Variants in FARS2 observed in about 807,000 individuals in gnomAD.
FARS2 encodes phenylalanine--tRNA ligase, mitochondrial.
A neutral mutation model predicts 46.4 loss-of-function variants in FARS2; 40 were observed. The observed-to-expected ratio is 0.86, with a 90% confidence interval of 0.67 to 1.12. The LOEUF is 1.12. Among genes scored for constraint, FARS2 ranks in the 50% most tolerant of loss-of-function variants. The pLI, the probability that FARS2 is intolerant of heterozygous loss-of-function variation, is 0.00. For synonymous variants in FARS2, 234 were observed against 214.9 expected, an observed-to-expected ratio of 1.09 and a Z score of -0.78; for missense variants, 513 against 567.9, an observed-to-expected ratio of 0.90 and a Z score of 0.98.
chr6:5,733,108 A>G (rs1425958079), intron 6 of FARS2, among the ~76,000 whole-genome samples: 3 of 152,244 alleles, frequency 2.0e-5, no homozygotes, highest in African/African-American at 7.2e-5. Flanking sequence ...GCAGATAATT[A>G]ACCTCAGGGT....
At chr6:5,391,951 G>A (rs750660863) in intron 2 of FARS2, among the ~76,000 whole-genome samples, 25 of 152,150 alleles carry the variant, frequency 1.6e-4, no homozygotes, top group Middle Eastern at 6.3e-3. Context: ...GGGTCATTTG[G>A]ATTTGCACAA....
chr6:5,623,365 A>G (rs1047337501), intron 6 of FARS2, among the ~76,000 whole-genome samples: 4 of 152,236 alleles, frequency 2.6e-5, no homozygotes, highest in Admixed American at 6.5e-5. Context: ...TAAAACTGTC[A>G]TTTGGAAATG....
chr6:5,574,519 A>T (rs2150566442), intron 5 of FARS2, among the ~76,000 whole-genome samples: 1 of 152,360 alleles, frequency 6.6e-6, no homozygotes, highest in East Asian at 1.9e-4. Context: ...TAAATGCATT[A>T]TGCAGAATGT....
In FARS2 at chr6:5,456,693, T is replaced by C. The variant is rs7768107; in HGVS notation, c.904+25521T>C. 4.0e-3 allele frequency among the ~76,000 whole-genome samples: 462 copies of C among 115,854 alleles called. 2 individuals carry two copies. The highest frequency in any genetic ancestry group is 0.014 in the African/African-American group (412 of 30,104). 76.0% of individuals were successfully genotyped at this position (115,854 alleles called of 152,430 possible). ...TTGCAGTGAGCCGAGATGGCATTAT[T>C]GCACTCCAGCCTGGGCAACACAGCG... is the stretch of plus-strand genomic sequence containing the variant. On this transcript the variant is annotated intron_variant, in intron 4 of 6. Coordinates refer to ENST00000274680, the MANE Select transcript of FARS2 (RefSeq NM_006567.5).
At chr6:5,381,316 TTTC>T (rs1294301060) in intron 2 of FARS2, among the ~76,000 whole-genome samples, 5 of 151,704 alleles carry the variant, frequency 3.3e-5, no homozygotes, top group Admixed American at 3.3e-4. Context: ...GATTTCTAAT[TTTC>T]TTTTCTTTTC....
chr6:5,726,230 A>G (rs548943169), intron 6 of FARS2, among the ~76,000 whole-genome samples: 1 of 151,998 alleles, frequency 6.6e-6, no homozygotes, highest in South Asian at 2.1e-4. Context: ...ATCAGGGGTT[A>G]CAATACACGT....
chr6:5,363,775 A>G (rs759800366), intron 1 of FARS2, among the ~76,000 whole-genome samples: 2 of 152,104 alleles, frequency 1.3e-5, no homozygotes, highest in Non-Finnish European at 2.9e-5. Context: ...TACTCCTTAC[A>G]TCCCCTTCCC....
chr6:5,359,228 C>T (rs1758146700), intron 1 of FARS2, among the ~76,000 whole-genome samples: 1 of 151,418 alleles, frequency 6.6e-6, no homozygotes, highest in Non-Finnish European at 1.5e-5. Context: ...TTAGTACCGG[C>T]GGGGTTTCGC....
chr6:5,399,406 C>T (rs924383946), intron 2 of FARS2, among the ~76,000 whole-genome samples: 4 of 151,934 alleles, frequency 2.6e-5, no homozygotes, highest in African/African-American at 9.7e-5. Context: ...GAACTCCTGA[C>T]CTCAAGTGAT....
chr6:5,759,404 A>G lies in FARS2; in HGVS notation c.1218-11887A>G, dbSNP rs575836807. On this transcript the variant is annotated intron_variant, in intron 6 of 6. Coordinates refer to ENST00000274680, the MANE Select transcript of FARS2 (RefSeq NM_006567.5). ...ATTCTTTAACTAATGCGTGTCTCCT[A>G]TGCTAGACTGTGGAATCTACAAGTC... 3.4e-3 allele frequency among the ~76,000 whole-genome samples: 518 copies of G among 152,242 alleles called. 5 individuals are homozygous for G. The highest frequency in any genetic ancestry group is 0.012 in the African/African-American group (496 of 41,534).
At chr6:5,355,226 G>A (rs1477866792) in intron 1 of FARS2, among the ~76,000 whole-genome samples, 1 of 151,710 alleles carries the variant, frequency 6.6e-6, no homozygotes, top group East Asian at 1.9e-4. Context: ...TCTGCCCTCG[G>A]TTTCCTCAAT....
intron 6 of FARS2, among the ~76,000 whole-genome samples, chr6:5,763,271 G>A (rs777667504): frequency 6.6e-6 from 1 of 152,142 alleles, no homozygotes; most frequent in Non-Finnish European, 1.5e-5. Context: ...GGGCAACATA[G>A]CGAGACCCTG....
chr6:5,674,607 C>T (rs1778662439), intron 6 of FARS2, among the ~76,000 whole-genome samples: 1 of 152,074 alleles, frequency 6.6e-6, no homozygotes, highest in Admixed American at 6.5e-5. Context: ...TGTGGTCATT[C>T]AAATTTGTTT....
chr6:5,496,969 C>A (rs1043644530), intron 4 of FARS2, among the ~76,000 whole-genome samples: 1 of 152,120 alleles, frequency 6.6e-6, no homozygotes, highest in Admixed American at 6.5e-5. Flanking sequence ...TGTGCATGCA[C>A]CTCTGCACCC....
chr6:5,293,937 C>T (rs9392669), intron 1 of FARS2, among the ~76,000 whole-genome samples: 58,799 of 152,080 alleles, frequency 0.39, 14,073 homozygotes, highest in East Asian at 0.7. Context: ...ATCTCATTAT[C>T]AGATAAAACT....
intron 6 of FARS2, among the ~76,000 whole-genome samples, chr6:5,660,998 G>A (rs534534128): frequency 1.3e-5 from 2 of 152,242 alleles, no homozygotes; most frequent in Non-Finnish European, 2.9e-5. Context: ...CTGCTTTGTG[G>A]AGGGGGACTG....
intron 4 of FARS2, among the ~76,000 whole-genome samples, chr6:5,479,302 T>TA (rs1409852152): frequency 6.6e-6 from 1 of 152,258 alleles, no homozygotes; most frequent in East Asian, 1.9e-4. Flanking sequence ...CATTGTTAGA[T>TA]TCTACTCATT....
chr6:5,609,184 A>T (rs567546574), intron 5 of FARS2: 117 of 1,043,778 alleles, frequency 1.1e-4, no homozygotes, highest in Admixed American at 2.0e-4. Context: ...AGCTTCCCTG[A>T]CACTTCTCTG....
intron 4 of FARS2, chr6:5,451,591 G>A (rs1178481885): frequency 6.6e-6 from 1 of 152,132 alleles, no homozygotes; most frequent in Non-Finnish European, 1.5e-5. Context: ...GGGGACATCA[G>A]TCTCAGTGGC....
Sources: allele counts gnomAD v4.1 joint callset (sites outside exome capture counted in the v4.1 genomes callset), GRCh38; gene constraint gnomAD v4.1.1; transcripts MANE v1.5; gene names NCBI Gene and HGNC (gene_info 2026-07-23, HGNC 2026-07-21).